The following ATP1B3 variants were observed in gnomAD, a reference collection of about 807,000 sequenced individuals.
ATP1B3 encodes sodium/potassium-transporting ATPase subunit beta-3.
ATP1B3 carries 10 observed loss-of-function variants against 30.2 expected under a neutral mutation model. The ratio of observed to expected loss-of-function variants is 0.33; its 90% CI spans 0.20 to 0.56. The LOEUF (loss-of-function observed/expected upper bound fraction) is 0.56. Ranked by LOEUF, ATP1B3 falls within the 20% of genes least tolerant of loss-of-function variation. The probability of loss-of-function intolerance (pLI) is 0.90; values close to 1 mark genes in which losing one functional copy is unlikely to be tolerated. For synonymous variants in ATP1B3, 113 were observed against 117.0 expected, an observed-to-expected ratio of 0.97 and a Z score of 0.22; for missense variants, 238 against 336.7, an observed-to-expected ratio of 0.71 and a Z score of 2.29.
At chr3:141,923,598 A>T (rs1422138890) in intron 6 of ATP1B3, among the ~76,000 whole-genome samples, 1 of 152,250 alleles carries the variant, frequency 6.6e-6, no homozygotes, top group Non-Finnish European at 1.5e-5. Flanking sequence ...TTAACAAAGG[A>T]AGTTAACATA....
intron 5 of ATP1B3, chr3:141,916,652 C>A: frequency 9.9e-7 from 1 of 1,009,826 alleles, no homozygotes; most frequent in Non-Finnish European, 1.3e-6. Context: ...GATTGTATGG[C>A]AGAAATATTT....
At chr3:141,878,046 C>T (rs1233334059) in intron 1 of ATP1B3, among the ~76,000 whole-genome samples, 1 of 152,114 alleles carries the variant, frequency 6.6e-6, no homozygotes, top group African/African-American at 2.4e-5. Flanking sequence ...CTGAAATGGA[C>T]TCCTTCAGGG....
At chr3:141,920,022 AC>A in intron 5 of ATP1B3, among the ~76,000 whole-genome samples, 1 of 152,248 alleles carries the variant, frequency 6.6e-6, no homozygotes, top group Middle Eastern at 3.4e-3. Context: ...TTATTCAGAT[AC>A]TCATTTTAAT....
chr3:141,913,468 T>G (rs1934404327), intron 3 of ATP1B3, among the ~76,000 whole-genome samples, 184 bp from the exon 4 acceptor site: 1 of 152,216 alleles, frequency 6.6e-6, no homozygotes, highest in Non-Finnish European at 1.5e-5. Context: ...ATGCAGTAAC[T>G]TTAGAGAACT....
intron 1 of ATP1B3, among the ~76,000 whole-genome samples, chr3:141,879,870 T>A (rs910386761): frequency 7.0e-6 from 1 of 142,728 alleles, no homozygotes; most frequent in Non-Finnish European, 1.5e-5. Context: ...TGCAAATTTT[T>A]TTTCTAGTTG....
At chr3:141,882,285 A>C (rs1933742586) in intron 1 of ATP1B3, among the ~76,000 whole-genome samples, 1 of 152,216 alleles carries the variant, frequency 6.6e-6, no homozygotes, top group African/African-American at 2.4e-5. Context: ...GGTTTTGAAG[A>C]AAAGTCACCT....
intron 4 of ATP1B3, among the ~76,000 whole-genome samples, chr3:141,914,923 A>C (rs761627025): frequency 6.6e-6 from 1 of 152,222 alleles, no homozygotes; most frequent in Non-Finnish European, 1.5e-5. Flanking sequence ...GATTAGTGGA[A>C]TGTTTCAACC....
intron 6 of ATP1B3, among the ~76,000 whole-genome samples, chr3:141,924,985 C>T (rs1332735879): frequency 1.3e-5 from 2 of 151,524 alleles, no homozygotes; most frequent in Admixed American, 6.6e-5. Context: ...TGATAATAGG[C>T]CGGGTGTGGT....
At chr3:141,925,432 G>T (rs1131029) in intron 6 of ATP1B3, 99 bp from the exon 7 acceptor site, 11 of 1,329,810 alleles carry the variant, frequency 8.3e-6, no homozygotes, top group Non-Finnish European at 1.0e-5. Flanking sequence ...CTGGGCAACA[G>T]TCTCAAAAAG....
intron 3 of ATP1B3, among the ~76,000 whole-genome samples, chr3:141,910,605 A>T (rs1168726229): frequency 6.6e-6 from 1 of 151,724 alleles, no homozygotes; most frequent in African/African-American, 2.4e-5. Context: ...GTAAACTATC[A>T]TTTGAGGTAT....
intron 5 of ATP1B3, among the ~76,000 whole-genome samples, chr3:141,919,431 T>C (rs1934526479): frequency 6.6e-6 from 1 of 152,238 alleles, no homozygotes; most frequent in African/African-American, 2.4e-5. Flanking sequence ...TGGCCTTTTA[T>C]ATTATCAACT....
intron 3 of ATP1B3, 74 bp from the exon 4 acceptor site, chr3:141,913,578 A>ATAC: frequency 8.0e-7 from 1 of 1,247,036 alleles, no homozygotes; most frequent in Non-Finnish European, 1.1e-6. Context: ...ACATTTTCCA[A>ATAC]AGGTTAATAT....
At chr3:141,915,942 T>G in intron 4 of ATP1B3, 28 bp from the exon 5 acceptor site, 1 of 1,579,772 alleles carries the variant, frequency 6.3e-7, no homozygotes, top group East Asian at 2.3e-5. Flanking sequence ...ACGTGAAGTT[T>G]AAATTTATCA....
chr3:141,922,404 G>C (rs1379200638), intron 6 of ATP1B3, among the ~76,000 whole-genome samples: 1 of 151,788 alleles, frequency 6.6e-6, no homozygotes, highest in Non-Finnish European at 1.5e-5. Context: ...TGTAATCACA[G>C]CACTTTGAGA....
intron 1 of ATP1B3, among the ~76,000 whole-genome samples, chr3:141,899,989 C>G (rs1182780366): frequency 6.6e-6 from 1 of 152,068 alleles, no homozygotes; most frequent in Non-Finnish European, 1.5e-5. Context: ...TTTGATTGCA[C>G]CGCTGTACTC....
intron 6 of ATP1B3, among the ~76,000 whole-genome samples, chr3:141,924,553 G>C (rs1055277766): frequency 1.3e-5 from 2 of 152,198 alleles, no homozygotes; most frequent in Non-Finnish European, 1.5e-5. Flanking sequence ...GGAGGCTGAG[G>C]CAGGGGAATC....
intron 1 of ATP1B3, chr3:141,877,632 A>G (rs999944919): frequency 1.3e-5 from 2 of 151,650 alleles, no homozygotes; most frequent in African/African-American, 2.4e-5. Flanking sequence ...CTTTGGGGAA[A>G]GTAAATCCTG....
chr3:141,913,783 C>G lies in ATP1B3; in HGVS notation c.478C>G (p.Pro160Ala). 2 of 1,613,866 alleles carry G rather than the reference C, an allele frequency of 1.2e-6. No individual in the cohort carries two copies. The highest frequency in any genetic ancestry group is 1.7e-6 in the Non-Finnish European group (2 of 1,179,912). The change falls in exon 4 of 7, where the codon CCT (proline) becomes GCT (alanine). Residue 160 changes from proline to alanine, a missense_variant. Pro to Ala is a conservative substitution (Grantham distance 27). Around this residue, in one of 3 missense-constraint regions of ATP1B3, gnomAD observed 58 missense variants for 125.6 expected, o/e 0.46. Coordinates refer to ENST00000286371, the MANE Select transcript of ATP1B3 (RefSeq NM_001679.4). ...LLQACSGMND[P>A]DFGYSQGNPC... ...TCAAGCATGCAGTGGTATGAATGAT[C>G]CTGATTTTGGCTATTCTCAAGGAAA...
At chr3:141,893,311 C>T (rs1465051897) in intron 1 of ATP1B3, among the ~76,000 whole-genome samples, 1 of 152,092 alleles carries the variant, frequency 6.6e-6, no homozygotes, top group Non-Finnish European at 1.5e-5. Flanking sequence ...ACCCAGCTCT[C>T]TTTATTCTTG....
Sources: gnomAD v4.1 joint callset for allele counts (sites outside exome capture counted in the v4.1 genomes callset) on GRCh38, gnomAD v4.1.1 for gene constraint, gnomAD v4.1.1 regional missense constraint, MANE v1.5 for transcripts, NCBI Gene and HGNC (gene_info 2026-07-23, HGNC 2026-07-21) for gene names.